The following ROBO1 variants were observed in gnomAD, a reference collection of about 807,000 sequenced individuals.
ROBO1 encodes the protein roundabout guidance receptor 1, also known as roundabout homolog 1.
ROBO1 carries 149 observed loss-of-function variants against 195.9 expected under a neutral mutation model. The ratio of observed to expected loss-of-function variants is 0.76; its 90% CI spans 0.67 to 0.87. The LOEUF is 0.87. Among genes scored for constraint, ROBO1 ranks in the 40% least tolerant of loss-of-function variants. The pLI, the probability that ROBO1 is intolerant of heterozygous loss-of-function variation, is 0.00. For missense variants in ROBO1, 1,933 were observed against 2,068.3 expected (o/e 0.93, Z 1.27); for synonymous variants, 816 against 733.2 (o/e 1.11, Z -1.82).
intron 1 of ROBO1, among the ~76,000 whole-genome samples, chr3:79,657,552 T>C (rs1946204728): frequency 6.6e-6 from 1 of 152,048 alleles, no homozygotes; most frequent in South Asian, 2.1e-4. Flanking sequence ...TATATAAAAA[T>C]TAATGAGATT....
At chr3:79,318,085 T>A (rs2033818757) in intron 2 of ROBO1, among the ~76,000 whole-genome samples, 1 of 152,154 alleles carries the variant, frequency 6.6e-6, no homozygotes. Context: ...CAACGGGCAG[T>A]CAGTCTTTTG....
intron 3 of ROBO1, among the ~76,000 whole-genome samples, chr3:79,053,812 G>A (rs188930596): frequency 3.2e-4 from 48 of 152,062 alleles, no homozygotes; most frequent in Admixed American, 9.2e-4. Flanking sequence ...TGCTTATTAC[G>A]CCAAAACAAA....
intron 4 of ROBO1, among the ~76,000 whole-genome samples, chr3:78,936,655 G>A (rs328049): frequency 0.37 from 56,608 of 151,752 alleles, 12,357 homozygotes; most frequent in Non-Finnish European, 0.48. Context: ...AGACATATTT[G>A]TAAGTATATG....
Position 78,614,694 on chromosome 3 carries a change from T to C in ROBO1, c.4389A>G (p.Lys1463=). ...AVMQKTRPAK[K]LKHQPGHLRR... is the part of the protein sequence containing the mutation. ...GCAGATGTCCTGGCTGGTGTTTCAG[T>C]TTCTTGGCTGGTCTGGTTTTCTGCA... The change falls in exon 28 of 31, where the codon AAA becomes AAG. Residue 1463 remains lysine (K), a synonymous_variant. Transcript: ENST00000464233. 6.2e-7 allele frequency: 1 copy of C among 1,613,824 alleles called. No individual in the cohort carries two copies. The highest frequency in any genetic ancestry group is 8.5e-7 in the Non-Finnish European group (1 of 1,179,848).
intron 4 of ROBO1, among the ~76,000 whole-genome samples, chr3:78,933,326 C>T (rs2039633426): frequency 6.6e-6 from 1 of 152,094 alleles, no homozygotes; most frequent in South Asian, 2.1e-4. Flanking sequence ...ATTAACTACT[C>T]TTTGGAAAGC....
intron 2 of ROBO1, among the ~76,000 whole-genome samples, chr3:79,225,356 C>G (rs1464873592): frequency 1.3e-5 from 2 of 152,022 alleles, no homozygotes; most frequent in African/African-American, 4.8e-5. Context: ...ATGGAAAATA[C>G]CAAGATTGTC....
intron 1 of ROBO1, among the ~76,000 whole-genome samples, chr3:79,703,661 G>C (rs1359053435): frequency 6.6e-6 from 1 of 151,806 alleles, no homozygotes; most frequent in Non-Finnish European, 1.5e-5. Flanking sequence ...AATCTGTGTG[G>C]TCTCTTATAT....
intron 1 of ROBO1, among the ~76,000 whole-genome samples, chr3:79,757,099 T>C (rs904476781): frequency 1.3e-5 from 2 of 152,194 alleles, no homozygotes; most frequent in African/African-American, 4.8e-5. Flanking sequence ...TTTTTGGCTA[T>C]TGTGAATAAG....
chr3:79,054,895 A>G (rs1437925208), intron 3 of ROBO1, among the ~76,000 whole-genome samples: 1 of 152,138 alleles, frequency 6.6e-6, no homozygotes, highest in Non-Finnish European at 1.5e-5. Flanking sequence ...GGCGGTCCCA[A>G]CGCAGCCTCC....
intron 14 of ROBO1, among the ~76,000 whole-genome samples, chr3:78,663,159 A>G (rs1204816231): frequency 6.6e-6 from 1 of 151,968 alleles, no homozygotes; most frequent in East Asian, 1.9e-4. Context: ...GATCTTGGGT[A>G]GAAAGCAAAA....
chr3:78,803,033 C>G (rs1196371399), intron 4 of ROBO1, among the ~76,000 whole-genome samples: 2 of 152,082 alleles, frequency 1.3e-5, no homozygotes, highest in African/African-American at 4.8e-5. Context: ...TGAAAAGAAA[C>G]GAGTACTCTC....
intron 3 of ROBO1, among the ~76,000 whole-genome samples, chr3:79,095,743 T>C (rs1461727681): frequency 6.6e-6 from 1 of 152,036 alleles, no homozygotes; most frequent in Non-Finnish European, 1.5e-5. Flanking sequence ...CTCTCTTACT[T>C]TTTTTTCTGT....
At chr3:79,721,752 T>G (rs1426455268) in intron 1 of ROBO1, among the ~76,000 whole-genome samples, 1 of 152,190 alleles carries the variant, frequency 6.6e-6, no homozygotes, top group African/African-American at 2.4e-5. Flanking sequence ...GCTAAAGATT[T>G]GAAGACTAGA....
chr3:79,154,946 A>T (rs575729234), intron 2 of ROBO1, among the ~76,000 whole-genome samples: 4 of 151,724 alleles, frequency 2.6e-5, no homozygotes, highest in African/African-American at 9.7e-5. Flanking sequence ...CCCATTTTTT[A>T]TTTGTTCCCT....
intron 2 of ROBO1, among the ~76,000 whole-genome samples, chr3:79,523,466 TTTTTTC>T (rs1374832905): frequency 6.2e-4 from 79 of 126,714 alleles, no homozygotes; most frequent in Non-Finnish European, 1.1e-3. Flanking sequence ...TCTTTCTTTT[TTTTTTC>T]TTTTTTTTTT....
chr3:79,556,944 T>A (rs1407924913), intron 2 of ROBO1, among the ~76,000 whole-genome samples: 2 of 150,988 alleles, frequency 1.3e-5, no homozygotes, highest in African/African-American at 2.4e-5. Context: ...ATTTTTTATC[T>A]CATTTTATAT....
At chr3:79,581,433 A>G (rs74385467) in intron 2 of ROBO1, among the ~76,000 whole-genome samples, 4,103 of 152,274 alleles carry the variant, frequency 0.027, 78 homozygotes, top group Non-Finnish European at 0.043. Flanking sequence ...TAGATTACAA[A>G]TACGAGTTTC....
At chr3:79,017,552 CAG>C (rs564325837) in intron 3 of ROBO1, among the ~76,000 whole-genome samples, 200 of 150,968 alleles carry the variant, frequency 1.3e-3, no homozygotes, top group African/African-American at 4.7e-3. Flanking sequence ...AGGAAAGAAA[CAG>C]AAGTTGAGTC....
intron 3 of ROBO1, among the ~76,000 whole-genome samples, chr3:78,943,132 C>T (rs977794988): frequency 6.6e-5 from 10 of 151,916 alleles, no homozygotes; most frequent in Non-Finnish European, 1.0e-4. Flanking sequence ...AGGAGAATGG[C>T]GTGAACCTGG....
Sources: allele counts gnomAD v4.1 joint callset (sites outside exome capture counted in the v4.1 genomes callset), GRCh38; gene constraint gnomAD v4.1.1; transcripts MANE v1.5; gene names NCBI Gene and HGNC (gene_info 2026-07-23, HGNC 2026-07-21).